Variants in KIRREL1 observed in about 807,000 individuals in gnomAD.
KIRREL1 encodes kin of IRRE-like protein 1.
A neutral mutation model predicts 83.3 loss-of-function variants in KIRREL1; 25 were observed. That is an observed-to-expected ratio of 0.30 (90% CI 0.22 to 0.42). The LOEUF (loss-of-function observed/expected upper bound fraction) is 0.42, where lower values mean the gene tolerates loss of function less well. KIRREL1 is among the 10% of genes least tolerant of loss of function. KIRREL1 has a pLI of 1.00. For missense variants in KIRREL1, 812 were observed against 1,032.3 expected (o/e 0.79, Z 2.92); for synonymous variants, 388 against 410.4 (o/e 0.95, Z 0.66).
chr1:158,035,798 G>A (rs1041558696), intron 1 of KIRREL1, among the ~76,000 whole-genome samples: 7 of 152,162 alleles, frequency 4.6e-5, no homozygotes, highest in African/African-American at 1.7e-4. Context: ...AACAGTGATT[G>A]GATGTTTGGG....
At chr1:158,062,119 A>G (rs1214177849) in intron 1 of KIRREL1, among the ~76,000 whole-genome samples, 1 of 152,104 alleles carries the variant, frequency 6.6e-6, no homozygotes, top group Non-Finnish European at 1.5e-5. Context: ...TCCCCCACCA[A>G]TATCCTGTAA....
At chr1:158,040,472 A>G (rs73022628) in intron 1 of KIRREL1, among the ~76,000 whole-genome samples, 2,025 of 152,364 alleles carry the variant, frequency 0.013, 35 homozygotes, top group South Asian at 0.06. Flanking sequence ...GAATGATAAC[A>G]TCTATCTTCC....
chr1:158,086,824 A>T, intron 5 of KIRREL1, 78 bp downstream of exon 5: 5 of 1,335,470 alleles, frequency 3.7e-6, no homozygotes, highest in Non-Finnish European at 4.2e-6. Context: ...TCTTAGTTTG[A>T]GAAACACAAA....
intron 1 of KIRREL1, among the ~76,000 whole-genome samples, chr1:158,034,044 C>A (rs1660402112): frequency 6.6e-6 from 1 of 151,516 alleles, no homozygotes; most frequent in Non-Finnish European, 1.5e-5. Context: ...GAGGCCGAGG[C>A]GGGCGGATCA....
chr1:158,087,495 G>A (rs931885281), intron 5 of KIRREL1, among the ~76,000 whole-genome samples: 9 of 152,018 alleles, frequency 5.9e-5, no homozygotes, highest in South Asian at 2.1e-4. Flanking sequence ...TCACACTGAC[G>A]CCTAGTGGCC....
chr1:158,042,874 C>T (rs751013589), intron 1 of KIRREL1, among the ~76,000 whole-genome samples: 1 of 147,418 alleles, frequency 6.8e-6, no homozygotes, highest in East Asian at 2.0e-4. Flanking sequence ...GAGATCGAGA[C>T]CATCCTGGCT....
intron 1 of KIRREL1, among the ~76,000 whole-genome samples, chr1:158,031,380 G>A (rs1274272766): frequency 1.3e-5 from 2 of 152,112 alleles, no homozygotes; most frequent in Non-Finnish European, 2.9e-5. Context: ...CTGCCATGAG[G>A]CTTGGAGAGT....
chr1:158,025,147 G>A (rs1269367396), intron 1 of KIRREL1, among the ~76,000 whole-genome samples: 1 of 152,154 alleles, frequency 6.6e-6, no homozygotes, highest in Non-Finnish European at 1.5e-5. Flanking sequence ...GCAGGGGAGC[G>A]CTTTGGATGA....
chr1:158,033,175 G>A (rs1660376680), intron 1 of KIRREL1, among the ~76,000 whole-genome samples: 1 of 152,066 alleles, frequency 6.6e-6, no homozygotes, highest in South Asian at 2.1e-4. Flanking sequence ...AGGTTCAAGC[G>A]ATTCTCCTGC....
At chr1:158,061,453 G>T (rs755813667) in intron 1 of KIRREL1, among the ~76,000 whole-genome samples, 1 of 152,216 alleles carries the variant, frequency 6.6e-6, no homozygotes. Context: ...CTCAGAGATG[G>T]AGTGAAAGAG....
At chr1:158,004,443 C>G (rs1387379984) in intron 1 of KIRREL1, among the ~76,000 whole-genome samples, 2 of 152,062 alleles carry the variant, frequency 1.3e-5, no homozygotes, top group Admixed American at 1.3e-4. Flanking sequence ...GCAGTGGGAG[C>G]TTTAGGAGGC....
chr1:158,093,440 A>G lies in KIRREL1; in HGVS notation c.1573A>G (p.Lys525Glu). 6.2e-7 allele frequency: 1 copy of G among 1,614,030 alleles called. No individual in the cohort carries two copies. Among genetic ancestry groups the G allele is most frequent in the Non-Finnish European group, 8.5e-7 (1 of 1,179,934 alleles). ...ALVFFLYRRR[K>E]GSRKDVTLRK... is the part of the protein sequence containing the mutation. ...GGTATTCTTCCTCTACCGGCGCCGC[A>G]AAGGCAGTGAGTATGGGCCCTGTGC... is the stretch of plus-strand genomic sequence containing the variant. Residue 525 changes from lysine to glutamate, a missense_variant, in exon 12 of 15, where the codon AAA (lysine) becomes GAA (glutamate). Around this residue, in one of 3 missense-constraint regions of KIRREL1, gnomAD observed 334 missense variants for 383.7 expected, o/e 0.87. Transcript: ENST00000359209.
intron 1 of KIRREL1, among the ~76,000 whole-genome samples, chr1:158,056,804 G>A (rs886556195): frequency 6.6e-6 from 1 of 152,168 alleles, no homozygotes; most frequent in Non-Finnish European, 1.5e-5. Context: ...GGCAGCCTGG[G>A]CTTGGAGCTA....
chr1:158,017,278 C>T (rs1271980688), intron 1 of KIRREL1, among the ~76,000 whole-genome samples: 1 of 152,200 alleles, frequency 6.6e-6, no homozygotes, highest in Non-Finnish European at 1.5e-5. Flanking sequence ...GTCATTCCCT[C>T]AAGGTCTTTC....
At chr1:158,090,890 G>T (rs1037804960) in intron 10 of KIRREL1, among the ~76,000 whole-genome samples, 10 of 152,190 alleles carry the variant, frequency 6.6e-5, no homozygotes, top group African/African-American at 2.4e-4. Flanking sequence ...GCCTAGAAAG[G>T]GACAGGGAGG....
chr1:158,087,670 G>T (rs992110681), intron 5 of KIRREL1, 85 bp from the exon 6 acceptor site: 3 of 885,416 alleles, frequency 3.4e-6, no homozygotes, highest in African/African-American at 1.7e-5. Context: ...CGCCAGAGTG[G>T]TCAGGTCTGA....
At chr1:158,063,967 C>T (rs1661295464) in intron 1 of KIRREL1, among the ~76,000 whole-genome samples, 1 of 152,112 alleles carries the variant, frequency 6.6e-6, no homozygotes, top group Non-Finnish European at 1.5e-5. Context: ...GGGTCCAGGA[C>T]AGTGTACAGT....
chr1:158,097,266 A>C lies in KIRREL1; in HGVS notation c.*2146A>C. On this transcript the variant is annotated 3_prime_UTR_variant, in exon 15 of 15. Coordinates refer to ENST00000359209, the MANE Select transcript of KIRREL1 (RefSeq NM_018240.7). ...TCTATTATTTTCACAAAAACCAGAAACCATGGGGGAATCCAAAGACTTGAA... is the reference window on the plus strand; with the variant it reads ...TCTATTATTTTCACAAAAACCAGAACCCATGGGGGAATCCAAAGACTTGAA... 1 of 290,044 alleles carries C rather than the reference A, an allele frequency of 3.4e-6. No homozygotes were observed. The highest frequency in any genetic ancestry group is 2.7e-5 in the South Asian group (1 of 36,592). 18.0% of individuals were successfully genotyped at this position (290,044 alleles called of 1,614,324 possible).
At position 158,096,013 on chromosome 1, in the gene KIRREL1, G is replaced by A. The variant is rs1472987948; in HGVS notation, c.*893G>A. ...AACTCTTGAGCTGGTTTGGGGAGTG[G>A]TGAGGTAGGGGTGGGGGTGCTGTAG... On this transcript the variant is annotated 3_prime_UTR_variant, in exon 15 of 15. Transcript: ENST00000359209. 1 of 156,066 alleles carries A rather than the reference G, an allele frequency of 6.4e-6. No homozygotes were observed. Among genetic ancestry groups the A allele is most frequent in the Non-Finnish European group, 1.4e-5 (1 of 70,664 alleles). 9.7% of individuals were successfully genotyped at this position (156,066 alleles called of 1,614,324 possible).
Sources: gnomAD v4.1 joint callset for allele counts (sites outside exome capture counted in the v4.1 genomes callset) on GRCh38, gnomAD v4.1.1 for gene constraint, gnomAD v4.1.1 regional missense constraint, MANE v1.5 for transcripts, NCBI Gene and HGNC (gene_info 2026-07-23, HGNC 2026-07-21) for gene names.